The following ERGIC2 variants were observed in gnomAD, a reference collection of about 807,000 sequenced individuals.
The protein encoded by ERGIC2 is endoplasmic reticulum-Golgi intermediate compartment protein 2.
A neutral mutation model predicts 52.5 loss-of-function variants in ERGIC2; 31 were observed. The observed-to-expected ratio is 0.59, with a 90% CI of 0.44 to 0.80. The LOEUF (loss-of-function observed/expected upper bound fraction) is 0.80, where lower values mean the gene tolerates loss of function less well. Ranked by LOEUF, ERGIC2 falls within the 30% of genes least tolerant of loss-of-function variation. The probability of loss-of-function intolerance (pLI) is 0.00; values close to 1 mark genes in which losing one functional copy is unlikely to be tolerated. For synonymous variants in ERGIC2, 129 were observed against 140.6 expected (o/e 0.92, Z 0.58); for missense variants, 395 against 455.2 (o/e 0.87, Z 1.20).
In ERGIC2 at chr12:29,350,050, A is replaced by G; in HGVS notation, c.591T>C (p.Arg197=). ...ITVGKAIPHP[R]GHAHLAALVN... is the part of the protein sequence containing the mutation. ...CAAGTGCTGCCAAATGTGCATGACCACGAGGATGTGGAATTGCCCTGAAAG... is the reference window on the plus strand; with the variant it reads ...CAAGTGCTGCCAAATGTGCATGACCGCGAGGATGTGGAATTGCCCTGAAAG... Residue 197 remains arginine (R), a synonymous_variant, in exon 9 of 14, where the codon CGT becomes CGC. Coordinates refer to ENST00000360150, the MANE Select transcript of ERGIC2 (RefSeq NM_016570.3). The G allele has an allele frequency of 6.2e-7, 1 of 1,607,000 alleles. No individual in the cohort carries two copies.
intron 5 of ERGIC2, among the ~76,000 whole-genome samples, chr12:29,366,042 T>C (rs560978921): frequency 6.6e-6 from 1 of 152,114 alleles, no homozygotes; most frequent in South Asian, 2.1e-4. Context: ...TTTAACCCCA[T>C]ACATTCAGTC....
intron 5 of ERGIC2, among the ~76,000 whole-genome samples, chr12:29,365,979 A>C (rs11050212): frequency 0.035 from 5,274 of 152,062 alleles, 136 homozygotes; most frequent in Non-Finnish European, 0.052. Flanking sequence ...TTGTAGCTGT[A>C]AACTAAAATT....
At chr12:29,348,893 C>T (rs1173444607) in intron 10 of ERGIC2, among the ~76,000 whole-genome samples, 186 bp downstream of exon 10, 1 of 151,832 alleles carries the variant, frequency 6.6e-6, no homozygotes, top group Non-Finnish European at 1.5e-5. Context: ...TGTTCTATGG[C>T]TCATTTTTGA....
In ERGIC2 at chr12:29,361,675, T is replaced by C. The variant is rs1341262899; in HGVS notation, c.344A>G (p.Asp115Gly). The C allele has an allele frequency of 5.0e-6, 8 of 1,603,680 alleles. No individual in the cohort carries two copies. Among genetic ancestry groups the C allele is most frequent in the Non-Finnish European group, 6.8e-6 (8 of 1,174,954 alleles). Residue 115 changes from aspartate to glycine, a missense_variant, in exon 6 of 14, where the codon GAT becomes GGT. Transcript: ENST00000360150. ...DGLVYEPTVF[D>G]LSPQQKEWQR... is the part of the protein sequence containing the mutation. ...CCACTCTTTCTGCTGTGGTGAAAGA[T>C]CAAATACTGTCTGAAATGAAAGAAA...
chr12:29,341,742 C>T lies in ERGIC2; in HGVS notation c.1063G>A (p.Val355Ile). ...TATACTACACCACTTACAGAATTGACAGGTTTATAGGATCCAAGTCTGAAA... is the reference window on the plus strand; with the variant it reads ...TATACTACACCACTTACAGAATTGATAGGTTTATAGGATCCAAGTCTGAAA... ...CRFRLGSYKP[V>I]NSVPFEDGHT... Residue 355 changes from valine (V) to isoleucine (I), a missense_variant, in exon 13 of 14, where the codon GTC becomes ATC. Coordinates refer to ENST00000360150, the MANE Select transcript of ERGIC2 (RefSeq NM_016570.3). 6.4e-7 allele frequency: 1 copy of T among 1,571,258 alleles called. No individual in the cohort carries two copies. The highest frequency in any genetic ancestry group is 8.8e-7 in the Non-Finnish European group (1 of 1,141,842).
rs1490248403 is a variant in ERGIC2, at chr12:29,339,364, G to A, written c.*1792C>T. On this transcript the variant is annotated 3_prime_UTR_variant, in exon 14 of 14. Transcript: ENST00000360150. ...TCAATATTGTTCTCCCTCCCATTTA[G>A]AAAAAGCCTTGAAACTCGATTGAAT... 1 of 152,014 alleles carries A rather than the reference G, an allele frequency of 6.6e-6. No individual in the cohort carries two copies. Among genetic ancestry groups the A allele is most frequent in the African/African-American group, 2.4e-5 (1 of 41,396 alleles). 9.4% of individuals were successfully genotyped at this position (152,014 alleles called of 1,614,324 possible).
intron 1 of ERGIC2, among the ~76,000 whole-genome samples, chr12:29,374,795 C>A (rs541781851): frequency 3.9e-5 from 6 of 152,144 alleles, no homozygotes; most frequent in Admixed American, 1.3e-4. Context: ...GTCCCAACTG[C>A]CACAATCTAT....
chr12:29,368,228 A>C lies in ERGIC2; in HGVS notation c.262+13T>G, dbSNP rs1244010115. 6.5e-7 allele frequency: 1 copy of C among 1,539,078 alleles called. No individual in the cohort carries two copies. The highest frequency in any genetic ancestry group is 2.3e-5 in the East Asian group (1 of 44,268). On this transcript the variant is annotated intron_variant, in intron 4 of 13. Coordinates refer to ENST00000360150, the MANE Select transcript of ERGIC2 (RefSeq NM_016570.3). ...ACCTACATGTGGATTCAGCAAGTTG[A>C]AGGTGTACTTACATTGACACTTCAT...
intron 8 of ERGIC2, among the ~76,000 whole-genome samples, chr12:29,351,164 A>C (rs558096509): frequency 2.6e-5 from 4 of 152,122 alleles, no homozygotes; most frequent in Non-Finnish European, 5.9e-5. Flanking sequence ...AAAACCATGG[A>C]AATGTCAATA....
intron 8 of ERGIC2, among the ~76,000 whole-genome samples, chr12:29,356,152 T>C (rs1591992088): frequency 6.6e-6 from 1 of 151,802 alleles, no homozygotes; most frequent in Non-Finnish European, 1.5e-5. Context: ...CCCTCGAGTA[T>C]CTGGGATTAC....
rs1949827508 is a variant in ERGIC2 at position 29,340,221 on chromosome 12, T to C, written c.*935A>G. The C allele has an allele frequency of 6.6e-6, 1 of 152,184 alleles. No individual in the cohort carries two copies. The highest frequency in any genetic ancestry group is 6.5e-5 in the Admixed American group (1 of 15,278). The allele number at this position is 152,184 out of a possible 1,614,324, so 9.4% of individuals were successfully genotyped here. A position where few individuals can be genotyped will look rare whatever the true frequency, so the allele number is the denominator to read the frequency against. ...GCTTACAATTTGCCTTACACTTTCA[T>C]TTAAAGTTACCCTGTTCTCCACTCA... On this transcript the variant is annotated 3_prime_UTR_variant, in exon 14 of 14. Coordinates refer to ENST00000360150, the MANE Select transcript of ERGIC2 (RefSeq NM_016570.3).
At position 29,337,754 on chromosome 12, in the gene ERGIC2, G is replaced by A. The variant is rs1591983391; in HGVS notation, c.*3402C>T. ...AGTAACTTTTAAACAATCAAAAATA[G>A]GCATTTTGAATTCAAGTGTAAGCTC... On this transcript the variant is annotated 3_prime_UTR_variant, in exon 14 of 14. Coordinates refer to ENST00000360150, the MANE Select transcript of ERGIC2 (RefSeq NM_016570.3). 1 of 152,126 alleles carries A rather than the reference G, an allele frequency of 6.6e-6. No individual in the cohort carries two copies. Among genetic ancestry groups the A allele is most frequent in the African/African-American group, 2.4e-5 (1 of 41,410 alleles). 9.4% of individuals were successfully genotyped at this position (152,126 alleles called of 1,614,324 possible). A position where few individuals can be genotyped will look rare whatever the true frequency, so the allele number is the denominator to read the frequency against.
In ERGIC2 at chr12:29,370,084, A is replaced by C; in HGVS notation, c.215+30T>G. The C allele has an allele frequency of 2.0e-6, 3 of 1,475,830 alleles. 1 individual carries two copies. The South Asian group carries it at 4.3e-5, about 21-fold the overall frequency. 91.4% of individuals were successfully genotyped at this position (1,475,830 alleles called of 1,614,324 possible). On this transcript the variant is annotated intron_variant, in intron 3 of 13. Transcript: ENST00000360150. ...TCTTTTTAAAACAATTTGAATCTAA[A>C]GGTATTCCAAGAAGAAAAAAAATGA...
At position 29,355,826 on chromosome 12, in the gene ERGIC2, T is replaced by TGTAAAGTA. The variant is rs1317242864; in HGVS notation, c.572+555_572+556insTACTTTAC. Among the ~76,000 whole-genome samples, 3 of 152,318 alleles carry TGTAAAGTA rather than the reference T, an allele frequency of 2.0e-5. 1 individual carries two copies. The highest frequency in any genetic ancestry group is 6.8e-3 in the Middle Eastern group (2 of 294). ...TAGAAGGCTGTAATTGATATTTACC[T>TGTAAAGTA]ACAGTTCAGTTACTTTAATATACAA... is the stretch of plus-strand genomic sequence containing the variant. On this transcript the variant is annotated intron_variant, in intron 8 of 13. Transcript: ENST00000360150.
At chr12:29,378,838 T>C (rs896921221) in intron 1 of ERGIC2, among the ~76,000 whole-genome samples, 1 of 152,188 alleles carries the variant, frequency 6.6e-6, no homozygotes, top group Non-Finnish European at 1.5e-5. Context: ...ACTCAACTTC[T>C]TAGAATCCTC....
At chr12:29,358,062 G>A (rs1940233519) in intron 6 of ERGIC2, among the ~76,000 whole-genome samples, 1 of 152,074 alleles carries the variant, frequency 6.6e-6, no homozygotes, top group Non-Finnish European at 1.5e-5. Context: ...TCTTATCTTT[G>A]TCAGACACTG....
chr12:29,359,512 A>G (rs1940254346), intron 6 of ERGIC2, among the ~76,000 whole-genome samples: 2 of 152,118 alleles, frequency 1.3e-5, no homozygotes, highest in Non-Finnish European at 1.5e-5. Context: ...ATATCATCTT[A>G]ATAGTAAAAA....
intron 8 of ERGIC2, among the ~76,000 whole-genome samples, chr12:29,354,790 T>C (rs1403824444): frequency 6.6e-6 from 1 of 152,174 alleles, no homozygotes; most frequent in Non-Finnish European, 1.5e-5. Context: ...CTGATTATAA[T>C]ATTTGTCAAA....
chr12:29,359,764 A>G lies in ERGIC2; in HGVS notation c.374+1881T>C, dbSNP rs774443616. Among the ~76,000 whole-genome samples the G allele has an allele frequency of 6.6e-5, 10 of 150,514 alleles. No homozygotes were observed. In the East Asian group the frequency reaches 1.4e-3, roughly 20 times the overall value. ...CTTGGAATATACTTAGGGACTAGGG[A>G]AAAAAAAACGGGTAAAGAAAAATTT... On this transcript the variant is annotated intron_variant, in intron 6 of 13. Coordinates refer to ENST00000360150, the MANE Select transcript of ERGIC2 (RefSeq NM_016570.3).
Sources: allele counts gnomAD v4.1 joint callset (sites outside exome capture counted in the v4.1 genomes callset), GRCh38; gene constraint gnomAD v4.1.1; transcripts MANE v1.5; gene names NCBI Gene and HGNC (gene_info 2026-07-23, HGNC 2026-07-21).